Variants in KCNJ6 observed in about 807,000 individuals in gnomAD.
KCNJ6 encodes the protein potassium inwardly rectifying channel subfamily J member 6, also known as G protein-activated inward rectifier potassium channel 2.
In KCNJ6, 9 loss-of-function variants were observed where a neutral mutation model predicts 34.2. The ratio of observed to expected loss-of-function variants is 0.26; its 90% CI spans 0.16 to 0.46. The LOEUF is 0.46. KCNJ6 is among the 20% of genes least tolerant of loss of function. The pLI, the probability that KCNJ6 is intolerant of heterozygous loss-of-function variation, is 1.00. For synonymous variants in KCNJ6, 196 were observed against 207.1 expected (o/e 0.95, Z 0.46); for missense variants, 236 against 531.3 (o/e 0.44, Z 5.46).
intron 1 of KCNJ6, among the ~76,000 whole-genome samples, chr21:37,910,789 T>C (rs2055863511): frequency 6.6e-6 from 1 of 152,220 alleles, no homozygotes. Context: ...CATAAATTAG[T>C]CACTTGGTTA....
intron 3 of KCNJ6, among the ~76,000 whole-genome samples, chr21:37,696,451 A>G (rs772505133): frequency 6.6e-6 from 1 of 152,188 alleles, no homozygotes; most frequent in Non-Finnish European, 1.5e-5. Flanking sequence ...TGAAAAGAAC[A>G]TTAAAAACCT....
intron 2 of KCNJ6, among the ~76,000 whole-genome samples, chr21:37,792,008 G>A (rs577130075): frequency 6.6e-6 from 1 of 152,198 alleles, no homozygotes; most frequent in Non-Finnish European, 1.5e-5. Flanking sequence ...GAATTGAGCA[G>A]GGTTTTTAAA....
At chr21:37,806,632 C>A (rs1308668970) in intron 2 of KCNJ6, among the ~76,000 whole-genome samples, 2 of 152,194 alleles carry the variant, frequency 1.3e-5, no homozygotes, top group East Asian at 3.8e-4. Flanking sequence ...ACTTACCTTA[C>A]AAACTCAAGT....
At chr21:37,649,562 G>T (rs1462008989) in intron 3 of KCNJ6, among the ~76,000 whole-genome samples, 1 of 152,180 alleles carries the variant, frequency 6.6e-6, no homozygotes, top group African/African-American at 2.4e-5. Flanking sequence ...GAGGCTGTCT[G>T]CGGCACCACC....
chr21:37,792,964 C>T (rs1018510329), intron 2 of KCNJ6, among the ~76,000 whole-genome samples: 3 of 152,114 alleles, frequency 2.0e-5, no homozygotes, highest in Non-Finnish European at 4.4e-5. Flanking sequence ...GTCAGTAAGC[C>T]ATGAGGCCCC....
intron 1 of KCNJ6, among the ~76,000 whole-genome samples, chr21:37,854,127 A>T (rs190258613): frequency 6.6e-6 from 1 of 152,008 alleles, no homozygotes; most frequent in African/African-American, 2.4e-5. Flanking sequence ...AAATACACCA[A>T]TTAAAAAACA....
At chr21:37,820,035 G>A (rs1568860518) in intron 2 of KCNJ6, among the ~76,000 whole-genome samples, 1 of 151,976 alleles carries the variant, frequency 6.6e-6, no homozygotes, top group Non-Finnish European at 1.5e-5. Flanking sequence ...TGATCCACCC[G>A]CCTCAGCCTC....
At chr21:37,844,676 T>C (rs942626682) in intron 1 of KCNJ6, among the ~76,000 whole-genome samples, 1 of 152,162 alleles carries the variant, frequency 6.6e-6, no homozygotes, top group Non-Finnish European at 1.5e-5. Context: ...CTATTCCCTC[T>C]GCCTAGACAC....
intron 2 of KCNJ6, among the ~76,000 whole-genome samples, chr21:37,803,064 T>A: frequency 6.6e-6 from 1 of 152,212 alleles, no homozygotes; most frequent in East Asian, 1.9e-4. Flanking sequence ...AAATTTCAAA[T>A]AGTTGACGTC....
At chr21:37,705,332 T>TTA (rs2054713988) in intron 3 of KCNJ6, among the ~76,000 whole-genome samples, 1 of 152,166 alleles carries the variant, frequency 6.6e-6, no homozygotes, top group South Asian at 2.1e-4. Flanking sequence ...CTTGGCCAAG[T>TTA]TACTGTCTTC....
intron 1 of KCNJ6, among the ~76,000 whole-genome samples, chr21:37,875,534 C>T (rs2055673823): frequency 6.6e-6 from 1 of 152,178 alleles, no homozygotes; most frequent in African/African-American, 2.4e-5. Context: ...TAGGGTTCCT[C>T]GGGGTTTAAT....
At chr21:37,898,032 T>C (rs1411674991) in intron 1 of KCNJ6, among the ~76,000 whole-genome samples, 1 of 152,244 alleles carries the variant, frequency 6.6e-6, no homozygotes, top group East Asian at 1.9e-4. Flanking sequence ...CTGTGTGTGC[T>C]CACTACTGTG....
chr21:37,899,487 A>C (rs2055806241), intron 1 of KCNJ6, among the ~76,000 whole-genome samples: 1 of 152,184 alleles, frequency 6.6e-6, no homozygotes, highest in African/African-American at 2.4e-5. Context: ...AAGTCTAAAA[A>C]TTATAACAGC....
At chr21:37,734,477 T>C (rs2054902760) in intron 2 of KCNJ6, among the ~76,000 whole-genome samples, 1 of 152,154 alleles carries the variant, frequency 6.6e-6, no homozygotes, top group African/African-American at 2.4e-5. Flanking sequence ...TATAAATTGA[T>C]CTGTCTTAAC....
intron 3 of KCNJ6, among the ~76,000 whole-genome samples, chr21:37,698,931 TC>T: frequency 6.6e-6 from 1 of 152,292 alleles, no homozygotes; most frequent in East Asian, 1.9e-4. Context: ...ACTCCTGGGC[TC>T]AAGCCATCCT....
chr21:37,649,920 ATTTT>A (rs10597774), intron 3 of KCNJ6, among the ~76,000 whole-genome samples: 2 of 143,906 alleles, frequency 1.4e-5, no homozygotes, highest in Non-Finnish European at 3.0e-5. Context: ...CACCCAGCTA[ATTTT>A]TTTTTTTTTT....
intron 1 of KCNJ6, among the ~76,000 whole-genome samples, chr21:37,879,350 G>A (rs1028269887): frequency 2.0e-5 from 3 of 152,144 alleles, no homozygotes; most frequent in Non-Finnish European, 4.4e-5. Flanking sequence ...TGGACCCCCT[G>A]CAGCACGTAT....
intron 1 of KCNJ6, among the ~76,000 whole-genome samples, chr21:37,853,751 G>A (rs551194233): frequency 6.2e-4 from 93 of 150,244 alleles, no homozygotes; most frequent in Admixed American, 3.5e-3. Flanking sequence ...TTTTAAATAG[G>A]GGAAGGGAAA....
At chr21:37,694,664 G>A (rs1318063667) in intron 3 of KCNJ6, among the ~76,000 whole-genome samples, 1 of 152,196 alleles carries the variant, frequency 6.6e-6, no homozygotes, top group African/African-American at 2.4e-5. Flanking sequence ...TTTGGTCCAA[G>A]AAGAATAGAA....
Sources: gnomAD v4.1 joint callset for allele counts (sites outside exome capture counted in the v4.1 genomes callset) on GRCh38, gnomAD v4.1.1 for gene constraint, MANE v1.5 for transcripts, NCBI Gene and HGNC (gene_info 2026-07-23, HGNC 2026-07-21) for gene names.